Variants in RBFOX1 observed in about 807,000 individuals in gnomAD.
RBFOX1 encodes the protein RNA binding protein fox-1 homolog 1.
In RBFOX1, 8 loss-of-function variants were observed where a neutral mutation model predicts 57.7. That is an observed-to-expected ratio of 0.14 (90% CI 0.08 to 0.25). The LOEUF is 0.25. Ranked by LOEUF, RBFOX1 falls within the 10% of genes least tolerant of loss-of-function variation. The pLI is 1.00. For missense variants in RBFOX1, 611 were observed against 548.5 expected, an observed-to-expected ratio of 1.11 and a Z score of -1.14; for synonymous variants, 326 against 222.4, an observed-to-expected ratio of 1.47 and a Z score of -4.15.
At chr16:7,420,038 C>G (rs775100963) in intron 4 of RBFOX1, among the ~76,000 whole-genome samples, 21 of 149,910 alleles carry the variant, frequency 1.4e-4, no homozygotes, top group Non-Finnish European at 8.8e-5. Flanking sequence ...TATGTTGTCA[C>G]TGTTTCTTTT....
intron 3 of RBFOX1, among the ~76,000 whole-genome samples, chr16:5,731,457 G>A (rs1377579630): frequency 6.6e-6 from 1 of 152,222 alleles, no homozygotes; most frequent in African/African-American, 2.4e-5. Flanking sequence ...GGTGGGTACT[G>A]TTGCTATCCC....
intron 4 of RBFOX1, among the ~76,000 whole-genome samples, chr16:7,070,480 T>C (rs1339055307): frequency 6.6e-6 from 1 of 152,234 alleles, no homozygotes; most frequent in African/African-American, 2.4e-5. Context: ...TTTCAGGGGT[T>C]GTATATTCTT....
At chr16:7,343,460 G>A (rs935984650) in intron 4 of RBFOX1, among the ~76,000 whole-genome samples, 15 of 152,170 alleles carry the variant, frequency 9.9e-5, no homozygotes, top group African/African-American at 2.9e-4. Flanking sequence ...ACAGTACAAG[G>A]GCTTTGTTGA....
rs74008585 is a variant in RBFOX1, at chr16:7,058,425, A to G, written c.27+6327A>G. On this transcript the variant is annotated intron_variant, in intron 4 of 15. Coordinates refer to ENST00000550418, the MANE Select transcript of RBFOX1 (RefSeq NM_018723.4). The stretch of plus-strand genomic sequence containing the variant: ...TTGTTTGCAAAATACACTATTAAGA[A>G]TCAGGGGCCTGGAGCTACGCCTACT... Among the ~76,000 whole-genome samples the G allele has an allele frequency of 9.5e-3, 1,444 of 152,292 alleles. 20 individuals are homozygous for G. Among genetic ancestry groups the G allele is most frequent in the African/African-American group, 0.033 (1,359 of 41,564 alleles).
intron 2 of RBFOX1, among the ~76,000 whole-genome samples, chr16:6,595,324 A>G (rs1401606484): frequency 6.6e-6 from 1 of 152,162 alleles, no homozygotes; most frequent in African/African-American, 2.4e-5. Flanking sequence ...GTGGCCTTTC[A>G]TGTCTGGCTT....
Position 5,968,851 on chromosome 16 carries a change from C to T in RBFOX1, c.351+101516C>T, listed in dbSNP as rs572793782. Among the ~76,000 whole-genome samples, 21 of 152,194 alleles carry T rather than the reference C, an allele frequency of 1.4e-4. No homozygotes were observed. The East Asian group carries it at 3.7e-3, about 27-fold the overall frequency. ...GGACTCTTATCTCTATTTTACCCAT[C>T]TTTAAAATGTGCTACGTACTCTTGA... On this transcript the variant is annotated intron_variant, in intron 4 of 19. Transcript: ENST00000641259.
intron 1 of RBFOX1, among the ~76,000 whole-genome samples, chr16:6,267,861 T>A (rs2074718192): frequency 6.6e-6 from 1 of 152,136 alleles, no homozygotes; most frequent in South Asian, 2.1e-4. Context: ...CAAAGAACAG[T>A]GAGCATGAAA....
At chr16:5,460,569 G>A (rs2068758180) in intron 1 of RBFOX1, among the ~76,000 whole-genome samples, 1 of 152,164 alleles carries the variant, frequency 6.6e-6, no homozygotes, top group Non-Finnish European at 1.5e-5. Flanking sequence ...GGTTGTAAAG[G>A]ACTCTTCCCA....
intron 3 of RBFOX1, among the ~76,000 whole-genome samples, chr16:5,857,694 G>A (rs913354808): frequency 6.6e-6 from 1 of 152,010 alleles, no homozygotes; most frequent in African/African-American, 2.4e-5. Flanking sequence ...GGCCAAGACG[G>A]GCAGAACACT....
At chr16:7,057,425 G>A (rs1265699995) in intron 4 of RBFOX1, among the ~76,000 whole-genome samples, 1 of 152,154 alleles carries the variant, frequency 6.6e-6, no homozygotes, top group East Asian at 1.9e-4. Flanking sequence ...GTCCACTCTG[G>A]ATTTTTCTTT....
chr16:6,079,682 A>G (rs1228639874), intron 1 of RBFOX1, among the ~76,000 whole-genome samples: 2 of 152,108 alleles, frequency 1.3e-5, no homozygotes, highest in South Asian at 2.1e-4. Context: ...AAAAAAATAA[A>G]TAAGTTAGCC....
intron 5 of RBFOX1, among the ~76,000 whole-genome samples, chr16:7,529,637 A>G (rs1054130427): frequency 5.3e-5 from 8 of 152,124 alleles, no homozygotes; most frequent in African/African-American, 1.4e-4. Flanking sequence ...GTTCACTACT[A>G]TTTTATTCAT....
intron 4 of RBFOX1, among the ~76,000 whole-genome samples, chr16:7,234,583 T>C (rs1301121206): frequency 9.4e-6 from 1 of 106,788 alleles, no homozygotes; most frequent in African/African-American, 4.4e-5. Flanking sequence ...GACATGTGTA[T>C]ACATATGTGT....
At position 6,951,569 on chromosome 16, in the gene RBFOX1, C is replaced by T. The variant is rs140528391; in HGVS notation, c.-15-100488C>T. On this transcript the variant is annotated intron_variant, in intron 3 of 15. Coordinates refer to ENST00000550418, the MANE Select transcript of RBFOX1 (RefSeq NM_018723.4). ...AATATTGGGGACTACTAAGATCTCT[C>T]TTTCTCTCCTTGTACCTTGTTCTCA... Among the ~76,000 whole-genome samples the T allele has an allele frequency of 5.9e-3, 900 of 152,144 alleles. 3 individuals are homozygous for T. The highest frequency in any genetic ancestry group is 0.02 in the African/African-American group (833 of 41,456).
chr16:6,588,304 C>G (rs915677620), intron 2 of RBFOX1, among the ~76,000 whole-genome samples: 1 of 151,898 alleles, frequency 6.6e-6, no homozygotes, highest in African/African-American at 2.4e-5. Flanking sequence ...TAGATACTAA[C>G]TGGAACATGC....
chr16:7,264,139 A>G (rs2095038712), intron 4 of RBFOX1, among the ~76,000 whole-genome samples: 1 of 152,148 alleles, frequency 6.6e-6, no homozygotes, highest in Non-Finnish European at 1.5e-5. Flanking sequence ...AAAGGAAAGG[A>G]AGCTTATAAA....
chr16:7,694,922 T>C (rs761867720), intron 14 of RBFOX1, among the ~76,000 whole-genome samples: 2 of 152,202 alleles, frequency 1.3e-5, no homozygotes, highest in East Asian at 1.9e-4. Flanking sequence ...TGTTCCAGTA[T>C]GTTAGGTTAT....
intron 1 of RBFOX1, among the ~76,000 whole-genome samples, chr16:6,310,441 A>C (rs1599483232): frequency 6.6e-6 from 1 of 152,224 alleles, no homozygotes; most frequent in African/African-American, 2.4e-5. Flanking sequence ...TTGTTGAAGA[A>C]GTAGGCGTAG....
intron 3 of RBFOX1, among the ~76,000 whole-genome samples, chr16:6,912,469 G>A (rs189068105): frequency 3.8e-4 from 58 of 152,200 alleles, no homozygotes; most frequent in African/African-American, 1.3e-3. Context: ...CCAGCCCTGC[G>A]GCTCAGATAG....
Sources: allele counts gnomAD v4.1 joint callset (sites outside exome capture counted in the v4.1 genomes callset), GRCh38; gene constraint gnomAD v4.1.1; transcripts MANE v1.5; gene names NCBI Gene and HGNC (gene_info 2026-07-23, HGNC 2026-07-21).